STS: variants seen among roughly 807,000 people sequenced by gnomAD.
STS encodes the protein steryl-sulfatase.
STS carries 7 observed loss-of-function variants against 26.8 expected under a neutral mutation model. The observed-to-expected ratio is 0.26, with a 90% confidence interval of 0.15 to 0.49. STS has a LOEUF of 0.49. Among genes scored for constraint, STS ranks in the 20% least tolerant of loss-of-function variants. The pLI is 0.98. For synonymous variants in STS, 199 were observed against 189.4 expected, an observed-to-expected ratio of 1.05 and a Z score of -0.42; for missense variants, 434 against 465.6, an observed-to-expected ratio of 0.93 and a Z score of 0.63.
chrX:7,276,117 AG>A lies in STS; in HGVS notation c.943+31del, dbSNP rs780409088. On this transcript the variant is annotated intron_variant, in intron 7 of 10. Coordinates refer to ENST00000674429, the MANE Select transcript of STS (RefSeq NM_001320752.2). Reference sequence around the variant, plus strand: ...GTTTCTCCTCAGTGAGTGCTTAGAAAGCTGCTAAGTCTTTGCCTCCTTGTGT... The same window carrying A: ...GTTTCTCCTCAGTGAGTGCTTAGAAACTGCTAAGTCTTTGCCTCCTTGTGT... 2.5e-6 allele frequency: 3 copies of A among 1,205,653 alleles called. No homozygotes were observed. In the South Asian group the frequency reaches 5.3e-5, roughly 21 times the overall value.
At position 7,320,711 on chromosome X, in the gene STS, C is replaced by T. The variant is rs149988043; in HGVS notation, c.1082-4628C>T. On this transcript the variant is annotated intron_variant, in intron 8 of 10. Transcript: ENST00000674429. ...TGCTTTCAACTGCTTGAATGAACTA[C>T]GGCAAAGTAGTTAAACTTCCCATTT... 2.3e-3 allele frequency among the ~76,000 whole-genome samples: 257 copies of T among 111,754 alleles called. 1 individual carries two copies. The highest frequency in any genetic ancestry group is 8.1e-3 in the African/African-American group (251 of 30,810).
intron 8 of STS, among the ~76,000 whole-genome samples, chrX:7,310,259 C>G (rs1926416644): frequency 8.9e-6 from 1 of 112,182 alleles, no homozygotes; most frequent in Non-Finnish European, 1.9e-5. Flanking sequence ...GGGCTGTTGA[C>G]ATTTGAAAAT....
intron 2 of STS, among the ~76,000 whole-genome samples, chrX:7,233,045 A>T (rs1922138319): frequency 9.4e-6 from 1 of 106,492 alleles, no homozygotes; most frequent in Non-Finnish European, 1.9e-5. Context: ...AGCCAGTTAA[A>T]CCTCTTTCCT....
chrX:7,340,371 G>A (rs768791556), intron 10 of STS, among the ~76,000 whole-genome samples: 75 of 111,668 alleles, frequency 6.7e-4, no homozygotes, highest in Admixed American at 6.7e-3. Flanking sequence ...TTCTAACCAG[G>A]GCATGCAATA....
chrX:7,281,310 G>A (rs1924848536), intron 7 of STS, among the ~76,000 whole-genome samples: 1 of 111,924 alleles, frequency 8.9e-6, no homozygotes, highest in African/African-American at 3.2e-5. Context: ...AGAAGTCTTT[G>A]TGCATTTGTC....
intron 2 of STS, among the ~76,000 whole-genome samples, chrX:7,193,318 G>A (rs768756974): frequency 3.8e-4 from 43 of 112,094 alleles, no homozygotes; most frequent in Non-Finnish European, 6.8e-4. Context: ...TAATACACGG[G>A]CTGGCATGAA....
At chrX:7,217,798 A>G (rs1191273472) in intron 2 of STS, among the ~76,000 whole-genome samples, 2 of 111,835 alleles carry the variant, frequency 1.8e-5, no homozygotes, top group Non-Finnish European at 3.8e-5. Flanking sequence ...TGGGCCATGA[A>G]GGCAAAACAT....
intron 2 of STS, among the ~76,000 whole-genome samples, chrX:7,191,806 C>A (rs1395016294): frequency 8.9e-6 from 1 of 112,094 alleles, no homozygotes; most frequent in African/African-American, 3.2e-5. Flanking sequence ...CCAGGTCCCT[C>A]CCTGCAGGAA....
intron 9 of STS, among the ~76,000 whole-genome samples, chrX:7,333,394 T>C (rs1001846058): frequency 8.9e-6 from 1 of 112,493 alleles, no homozygotes; most frequent in African/African-American, 3.2e-5. Context: ...GGAGATATAT[T>C]TTCATTTGGG....
intron 1 of STS, among the ~76,000 whole-genome samples, chrX:7,152,128 A>G (rs1385081153): frequency 2.8e-5 from 3 of 107,327 alleles, no homozygotes; most frequent in Admixed American, 9.9e-5. Context: ...AGTTTTTTGT[A>G]TTTTTAGTAG....
chrX:7,337,481 G>T (rs1928089285), intron 10 of STS, among the ~76,000 whole-genome samples: 1 of 112,238 alleles, frequency 8.9e-6, no homozygotes, highest in Non-Finnish European at 1.9e-5. Context: ...TGACTGCATA[G>T]GTCATCTCAG....
intron 3 of STS, among the ~76,000 whole-genome samples, chrX:7,254,644 C>T (rs944200977): frequency 1.0e-5 from 1 of 97,836 alleles, no homozygotes; most frequent in African/African-American, 3.8e-5. Flanking sequence ...TGTGGTGGCA[C>T]GATCTCGGGG....
At chrX:7,335,881 C>T (rs1203794836) in intron 10 of STS, among the ~76,000 whole-genome samples, 1 of 111,662 alleles carries the variant, frequency 9.0e-6, no homozygotes, top group African/African-American at 3.3e-5. Flanking sequence ...TTCCCCATTT[C>T]TTGTTTTTGT....
At chrX:7,215,042 CAT>C (rs1215029046) in intron 2 of STS, among the ~76,000 whole-genome samples, 1,972 of 80,423 alleles carry the variant, frequency 0.025, 38 homozygotes, top group Non-Finnish European at 0.037. Context: ...TATATATATA[CAT>C]ATATATACGT....
At chrX:7,197,667 G>A (rs1474721254) in intron 2 of STS, among the ~76,000 whole-genome samples, 3 of 112,023 alleles carry the variant, frequency 2.7e-5, no homozygotes, top group Non-Finnish European at 5.6e-5. Context: ...CTGTTCTCAA[G>A]ATATCAGGGT....
intron 9 of STS, 71 bp downstream of exon 9, chrX:7,325,569 G>C (rs1927401534): frequency 8.7e-7 from 1 of 1,150,399 alleles, no homozygotes; most frequent in Non-Finnish European, 1.2e-6. Flanking sequence ...TGGTTTGCCT[G>C]CATAATGGTG....
Position 7,349,929 on chromosome X carries a change from A to G in STS, c.1405A>G (p.Asn469Asp). The change falls in exon 11 of 11, where the codon AAC becomes GAC. Residue 469 changes from asparagine (N) to aspartate (D), a missense_variant. By Grantham distance (23) the Asn-to-Asp change is conservative (BLOSUM62 1). Around this residue, in one of 2 missense-constraint regions of STS, gnomAD observed 205 missense variants for 177.3 expected, o/e 1.16. Coordinates refer to ENST00000674429, the MANE Select transcript of STS (RefSeq NM_001320752.2). ...WKAFFFTPNF[N>D]PVGSNGCFAT... is the part of the protein sequence containing the mutation. ...GGCCTTTTTCTTCACCCCCAACTTCAACCCCGTGGGTTCCAACGGATGCTT... is the reference window on the plus strand; with the variant it reads ...GGCCTTTTTCTTCACCCCCAACTTCGACCCCGTGGGTTCCAACGGATGCTT... 8.3e-7 allele frequency: 1 copy of G among 1,211,326 alleles called. No individual in the cohort carries two copies. The highest frequency in any genetic ancestry group is 1.1e-6 in the Non-Finnish European group (1 of 895,359).
chrX:7,187,034 C>G (rs1384335154), intron 1 of STS, among the ~76,000 whole-genome samples: 4 of 111,675 alleles, frequency 3.6e-5, no homozygotes, highest in Non-Finnish European at 7.5e-5. Context: ...ATGCCATCCC[C>G]TTGGAAAAGG....
At chrX:7,163,479 G>A (rs928607395) in intron 1 of STS, among the ~76,000 whole-genome samples, 3 of 112,180 alleles carry the variant, frequency 2.7e-5, no homozygotes, top group Non-Finnish European at 5.6e-5. Flanking sequence ...CATTGGGCAA[G>A]CATTCCCTGG....
Sources: allele counts gnomAD v4.1 joint callset (sites outside exome capture counted in the v4.1 genomes callset), GRCh38; gene constraint gnomAD v4.1.1; regional missense constraint gnomAD v4.1.1; transcripts MANE v1.5; gene names NCBI Gene and HGNC (gene_info 2026-07-23, HGNC 2026-07-21).